Variants in OGA observed in about 807,000 individuals in gnomAD.
OGA encodes protein O-GlcNAcase.
In OGA, 21 loss-of-function variants were observed where a neutral mutation model predicts 102.0. The observed-to-expected ratio is 0.21, with a 90% CI of 0.15 to 0.30. The LOEUF is 0.30. Ranked by LOEUF, OGA falls within the 10% of genes least tolerant of loss-of-function variation. The pLI is 1.00. For synonymous variants in OGA, 408 were observed against 378.2 expected, an observed-to-expected ratio of 1.08 and a Z score of -0.91; for missense variants, 765 against 1,107.8, an observed-to-expected ratio of 0.69 and a Z score of 4.39.
chr10:101,787,328 G>T, intron 15 of OGA, 36 bp downstream of exon 15: 2 of 1,532,456 alleles, frequency 1.3e-6, no homozygotes, highest in Non-Finnish European at 8.9e-7. Context: ...TCCCTATCTT[G>T]CCCAAATACC....
chr10:101,787,069 T>TAC (rs1274902641), intron 15 of OGA, among the ~76,000 whole-genome samples: 1 of 146,456 alleles, frequency 6.8e-6, no homozygotes, highest in African/African-American at 2.6e-5. Context: ...TAGGTAGAGA[T>TAC]GGGGTCTCAG....
intron 1 of OGA, among the ~76,000 whole-genome samples, chr10:101,815,530 C>T (rs2065610593): frequency 2.0e-5 from 3 of 151,964 alleles, no homozygotes; most frequent in African/African-American, 4.8e-5. Context: ...GTGATCCGCC[C>T]GCCTCGGCCT....
rs2065429553 is a variant in OGA at position 101,803,716 on chromosome 10, T to G, written c.1036+19A>C. The stretch of plus-strand genomic sequence containing the variant: ...CCAGCTCTCCTCCCAAGGTGAAAGA[T>G]CAAGTACAGGCTACTTACTCATCAC... On this transcript the variant is annotated intron_variant, in intron 7 of 15. Coordinates refer to ENST00000361464, the MANE Select transcript of OGA (RefSeq NM_012215.5). 4 of 1,603,296 alleles carry G rather than the reference T, an allele frequency of 2.5e-6. No homozygotes were observed. Among genetic ancestry groups the G allele is most frequent in the Middle Eastern group, 1.7e-4 (1 of 6,020 alleles).
chr10:101,809,645 A>T lies in OGA; in HGVS notation c.480+539T>A, dbSNP rs1264415358. On this transcript the variant is annotated intron_variant, in intron 4 of 15. Coordinates refer to ENST00000361464, the MANE Select transcript of OGA (RefSeq NM_012215.5). Reference sequence around the variant, plus strand: ...AGAATCGCTTGAACTTGGGAGGTGGAGGTTGCAGTGAGCCGAGATTGGGCC... The same window carrying T: ...AGAATCGCTTGAACTTGGGAGGTGGTGGTTGCAGTGAGCCGAGATTGGGCC... Among the ~76,000 whole-genome samples, 5 of 147,418 alleles carry T rather than the reference A, an allele frequency of 3.4e-5. No homozygotes were observed. In the Admixed American group the frequency reaches 3.4e-4, roughly 10 times the overall value.
chr10:101,797,971 T>C lies in OGA; in HGVS notation c.1984+9A>G. 1 of 1,609,194 alleles carries C rather than the reference T, an allele frequency of 6.2e-7. No homozygotes were observed. The highest frequency in any genetic ancestry group is 8.5e-7 in the Non-Finnish European group (1 of 1,176,586). On this transcript the variant is annotated intron_variant, in intron 10 of 15. Coordinates refer to ENST00000361464, the MANE Select transcript of OGA (RefSeq NM_012215.5). ...TTTGAGGAGAAGAGATTATTCCTGG[T>C]GCACCTACCTAACCACTGTACAAAA...
chr10:101,801,346 C>T (rs2065388947), intron 7 of OGA, among the ~76,000 whole-genome samples: 1 of 149,426 alleles, frequency 6.7e-6, no homozygotes, highest in Admixed American at 6.7e-5. Flanking sequence ...GAGCTGAGAT[C>T]GGGCCATTGC....
intron 2 of OGA, among the ~76,000 whole-genome samples, 170 bp downstream of exon 2, chr10:101,813,385 T>G (rs11817066): frequency 2.0e-5 from 3 of 152,100 alleles, no homozygotes; most frequent in African/African-American, 7.2e-5. Context: ...CAGGAAAAGT[T>G]TGAAAATCAA....
At position 101,791,453 on chromosome 10, in the gene OGA, C is replaced by T. The variant is rs1222072894; in HGVS notation, c.2176-14G>A. On this transcript the variant is annotated splice_polypyrimidine_tract_variant and intron_variant, in intron 12 of 15. Transcript: ENST00000361464. ...GTACACGGATGCCTGAAAATATAATCTAGTTAAGCAACACATCAAGAAAAA... is the reference window on the plus strand; with the variant it reads ...GTACACGGATGCCTGAAAATATAATTTAGTTAAGCAACACATCAAGAAAAA... 6.2e-7 allele frequency: 1 copy of T among 1,605,302 alleles called. No homozygotes were observed. Among genetic ancestry groups the T allele is most frequent in the Non-Finnish European group, 8.5e-7 (1 of 1,172,410 alleles).
chr10:101,811,247 G>C (rs149581703), intron 3 of OGA, among the ~76,000 whole-genome samples: 82 of 151,502 alleles, frequency 5.4e-4, no homozygotes, highest in African/African-American at 1.9e-3. Context: ...AAATTAGCCA[G>C]GCGTGGTGGC....
chr10:101,815,703 T>C lies in OGA; in HGVS notation c.200-2097A>G, dbSNP rs529330488. On this transcript the variant is annotated intron_variant, in intron 1 of 15. Coordinates refer to ENST00000361464, the MANE Select transcript of OGA (RefSeq NM_012215.5). The stretch of plus-strand genomic sequence containing the variant: ...AAACATCCTTTCAGAGTTGCTCCAA[T>C]ATAAAAAAAGACTTTTCAAATGTCT... Among the ~76,000 whole-genome samples the C allele has an allele frequency of 1.5e-4, 23 of 151,900 alleles. No individual in the cohort carries two copies. In the South Asian group the frequency reaches 4.8e-3, roughly 31 times the overall value.
intron 9 of OGA, among the ~76,000 whole-genome samples, chr10:101,798,403 A>G (rs1433579377): frequency 6.6e-6 from 1 of 151,182 alleles, no homozygotes; most frequent in Non-Finnish European, 1.5e-5. Context: ...ACTGTAAAGA[A>G]CATACTTTTT....
chr10:101,810,381 T>A, intron 3 of OGA, 67 bp from the exon 4 acceptor site: 1 of 1,361,768 alleles, frequency 7.3e-7, no homozygotes, highest in Non-Finnish European at 1.0e-6. Flanking sequence ...ACTGAAGGTT[T>A]AACTGAAGAG....
In OGA at chr10:101,799,096, C is replaced by G. The variant is rs777057529; in HGVS notation, c.1555G>C (p.Asp519His). 1 of 1,614,234 alleles carries G rather than the reference C, an allele frequency of 6.2e-7. No homozygotes were observed. The highest frequency in any genetic ancestry group is 8.5e-7 in the Non-Finnish European group (1 of 1,180,038). The change falls in exon 9 of 16, where the codon GAT (aspartate) becomes CAT (histidine). Residue 519 changes from aspartate (D) to histidine (H), a missense_variant. Transcript: ENST00000361464. ...SKSPEMSMQE[D>H]CISDIAPMQT... The stretch of plus-strand genomic sequence containing the variant: ...ATGGGGGCAATGTCACTAATACAAT[C>G]TTCTTGCATGGACATCTCTGGGGAT...
intron 1 of OGA, among the ~76,000 whole-genome samples, chr10:101,817,493 T>C (rs1278771657): frequency 2.0e-5 from 3 of 152,146 alleles, no homozygotes; most frequent in Non-Finnish European, 4.4e-5. Flanking sequence ...CAGACAACCC[T>C]AGGGAATAAG....
chr10:101,801,546 AT>A (rs2065392467), intron 7 of OGA, among the ~76,000 whole-genome samples: 1 of 152,186 alleles, frequency 6.6e-6, no homozygotes, highest in Admixed American at 6.5e-5. Context: ...TTTCCTTAAT[AT>A]TTCCTACGTA....
rs940587655 is a variant in OGA at position 101,789,290 on chromosome 10, G to C, written c.2454+1606C>G. On this transcript the variant is annotated intron_variant, in intron 14 of 15. Transcript: ENST00000361464. ...GAGGAGGGCGGATCACCTGAGGTCG[G>C]GAGTTTGAGACCAGCCTGACCAACA... Among the ~76,000 whole-genome samples the C allele has an allele frequency of 4.6e-5, 7 of 152,280 alleles. No individual in the cohort carries two copies. The East Asian group carries it at 1.4e-3, about 29-fold the overall frequency.
chr10:101,816,117 A>G (rs2065621440), intron 1 of OGA, among the ~76,000 whole-genome samples: 1 of 152,130 alleles, frequency 6.6e-6, no homozygotes. Context: ...CTAAAATACA[A>G]AAAATTAGCC....
chr10:101,802,143 T>A (rs1336193466), intron 7 of OGA, among the ~76,000 whole-genome samples: 2 of 151,002 alleles, frequency 1.3e-5, no homozygotes, highest in African/African-American at 2.4e-5. Flanking sequence ...AGGCTCTGTC[T>A]CAAAGAAAAA....
chr10:101,799,639 G>A (rs1283269388), intron 8 of OGA, among the ~76,000 whole-genome samples, 184 bp from the exon 9 acceptor site: 1 of 152,148 alleles, frequency 6.6e-6, no homozygotes, highest in African/African-American at 2.4e-5. Flanking sequence ...ATGCAGGAAT[G>A]GAAGGGCGTT....
Sources: allele counts gnomAD v4.1 joint callset (sites outside exome capture counted in the v4.1 genomes callset), GRCh38; gene constraint gnomAD v4.1.1; transcripts MANE v1.5; gene names NCBI Gene and HGNC (gene_info 2026-07-23, HGNC 2026-07-21).